Variants in TOX2 observed in about 807,000 individuals in gnomAD.
TOX2 encodes TOX high mobility group box family member 2, also known as granulosa cell HMG box 1.
TOX2 carries 15 observed loss-of-function variants against 47.4 expected under a neutral mutation model. The observed-to-expected ratio is 0.32, with a 90% CI of 0.21 to 0.49. TOX2 has a LOEUF of 0.49. TOX2 is among the 20% of genes least tolerant of loss of function. TOX2 has a pLI of 0.99. For synonymous variants in TOX2, 290 were observed against 296.6 expected (o/e 0.98, Z 0.23); for missense variants, 622 against 673.1 (o/e 0.92, Z 0.84).
chr20:44,029,591 G>A (rs889771405), intron 3 of TOX2, among the ~76,000 whole-genome samples: 1 of 152,186 alleles, frequency 6.6e-6, no homozygotes, highest in African/African-American at 2.4e-5. Context: ...ATGAGAACAT[G>A]GCCTGTGAGT....
intron 5 of TOX2, among the ~76,000 whole-genome samples, 169 bp downstream of exon 5, chr20:44,054,695 C>T (rs2071587054): frequency 6.6e-6 from 1 of 152,212 alleles, no homozygotes; most frequent in South Asian, 2.1e-4. Flanking sequence ...AGCTGCCTTC[C>T]AATTCTACTA....
chr20:43,964,093 GT>G (rs1191830212), intron 1 of TOX2, among the ~76,000 whole-genome samples: 1 of 150,398 alleles, frequency 6.6e-6, no homozygotes, highest in Non-Finnish European at 1.5e-5. Context: ...CAGTAATGTA[GT>G]TTAAAAAAAA....
intron 2 of TOX2, among the ~76,000 whole-genome samples, chr20:43,982,025 G>T (rs926516486): frequency 6.6e-6 from 1 of 152,004 alleles, no homozygotes; most frequent in East Asian, 1.9e-4. Flanking sequence ...GGGTTTAGGA[G>T]GGGGAAAGGC....
intron 4 of TOX2, among the ~76,000 whole-genome samples, chr20:44,051,922 A>G (rs888189601): frequency 1.3e-5 from 2 of 152,198 alleles, no homozygotes; most frequent in Non-Finnish European, 2.9e-5. Context: ...TGCGTAAAGC[A>G]GAGAAAATTC....
At chr20:43,989,322 A>G (rs1479386499) in intron 2 of TOX2, among the ~76,000 whole-genome samples, 1 of 152,182 alleles carries the variant, frequency 6.6e-6, no homozygotes, top group African/African-American at 2.4e-5. Context: ...GAGCAGTTAG[A>G]GAATGGGAGA....
At chr20:43,953,707 A>G (rs1193945056) in intron 1 of TOX2, among the ~76,000 whole-genome samples, 1 of 152,154 alleles carries the variant, frequency 6.6e-6, no homozygotes, top group African/African-American at 2.4e-5. Context: ...GGCTGGAGAA[A>G]TCAGCAGGGA....
At chr20:43,930,381 T>A (rs754693053) in intron 1 of TOX2, among the ~76,000 whole-genome samples, 81 of 152,220 alleles carry the variant, frequency 5.3e-4, no homozygotes, top group Non-Finnish European at 7.5e-4. Flanking sequence ...AATTCTATAA[T>A]TCTCCTTGTA....
intron 1 of TOX2, among the ~76,000 whole-genome samples, chr20:43,922,263 C>T (rs556122774): frequency 8.5e-5 from 13 of 152,172 alleles, no homozygotes; most frequent in Non-Finnish European, 1.9e-4. Context: ...GTGGGAGTTG[C>T]TGCATGCATT....
chr20:44,007,827 T>C (rs1260475421), intron 3 of TOX2, among the ~76,000 whole-genome samples: 1 of 151,954 alleles, frequency 6.6e-6, no homozygotes, highest in Non-Finnish European at 1.5e-5. Context: ...GGAAGAAACA[T>C]CATATTTTTG....
chr20:43,927,647 T>TCCTTCCTC (rs1569003601), intron 1 of TOX2, among the ~76,000 whole-genome samples: 1 of 94,172 alleles, frequency 1.1e-5, no homozygotes, highest in African/African-American at 5.6e-5. Flanking sequence ...TTCCTCCCCT[T>TCCTTCCTC]CCCTTCCCTT....
At chr20:43,923,861 A>G in intron 1 of TOX2, among the ~76,000 whole-genome samples, 1 of 152,164 alleles carries the variant, frequency 6.6e-6, no homozygotes, top group Middle Eastern at 3.2e-3. Flanking sequence ...TGGGCCGGGG[A>G]GAAGCTGGCC....
chr20:43,983,221 A>G (rs755327931), intron 2 of TOX2, among the ~76,000 whole-genome samples: 4 of 152,036 alleles, frequency 2.6e-5, no homozygotes, highest in South Asian at 2.1e-4. Flanking sequence ...CAACATCCTC[A>G]TGCTACAGAA....
rs771110008 is a variant in TOX2, at chr20:44,064,890, T to A, written c.960+33T>A. ...CCGGAATCTCCAGGCACAGCCCTGATCAGAGTGGGGCCACTTGAGGAATGG... is the reference window on the plus strand; with the variant it reads ...CCGGAATCTCCAGGCACAGCCCTGAACAGAGTGGGGCCACTTGAGGAATGG... On this transcript the variant is annotated intron_variant, in intron 6 of 8. Coordinates refer to ENST00000341197, the MANE Select transcript of TOX2 (RefSeq NM_001098797.2). The A allele has an allele frequency of 6.2e-6, 10 of 1,604,862 alleles. No individual in the cohort carries two copies. In the Admixed American group the frequency reaches 1.7e-4, roughly 27 times the overall value.
At chr20:43,951,890 TGTTTG>T (rs1188159672) in intron 1 of TOX2, among the ~76,000 whole-genome samples, 1 of 9,390 alleles carries the variant, frequency 1.1e-4, no homozygotes, top group Admixed American at 1.7e-3. Flanking sequence ...AATAATTTTT[TGTTTG>T]TTTGTTTGTT....
chr20:44,053,437 T>TACAC (rs1447650799), intron 4 of TOX2, among the ~76,000 whole-genome samples: 73 of 67,166 alleles, frequency 1.1e-3, no homozygotes, highest in African/African-American at 3.4e-3. Flanking sequence ...AGGGCAGATA[T>TACAC]ATACACACAC....
intron 4 of TOX2, among the ~76,000 whole-genome samples, chr20:44,053,911 C>T (rs1023796050): frequency 7.9e-5 from 12 of 152,074 alleles, no homozygotes; most frequent in African/African-American, 2.4e-4. Flanking sequence ...TAACTTTGCC[C>T]GGTAGAGATG....
intron 1 of TOX2, among the ~76,000 whole-genome samples, chr20:43,946,859 G>C (rs2069481692): frequency 6.6e-6 from 1 of 152,194 alleles, no homozygotes; most frequent in African/African-American, 2.4e-5. Context: ...GCTGCACCCA[G>C]CAGACCAGGA....
At position 43,963,021 on chromosome 20, in the gene TOX2, CTT is replaced by C. The variant is rs2069788421; in HGVS notation, c.100-10344_100-10343del. ...ATCGTCATCATTCTTGCTCTGAAGT[CTT>C]TGAGATTCAGTGTGGACTTTATACT... is the stretch of plus-strand genomic sequence containing the variant. On this transcript the variant is annotated intron_variant, in intron 1 of 8. Coordinates refer to ENST00000341197, the MANE Select transcript of TOX2 (RefSeq NM_001098797.2). Among the ~76,000 whole-genome samples, 3 of 152,160 alleles carry C rather than the reference CTT, an allele frequency of 2.0e-5. No homozygotes were observed. The South Asian group carries it at 6.2e-4, about 31-fold the overall frequency.
At chr20:44,026,228 GATATATATATATATATATATAGACACAC>G (rs2071061036) in intron 3 of TOX2, among the ~76,000 whole-genome samples, 1 of 60,244 alleles carries the variant, frequency 1.7e-5, no homozygotes, top group Non-Finnish European at 3.1e-5. Flanking sequence ...AAGAAACTGT[GATATATATATATATATATATAGACACAC>G]ACACACACAA....
Sources: allele counts gnomAD v4.1 joint callset (sites outside exome capture counted in the v4.1 genomes callset), GRCh38; gene constraint gnomAD v4.1.1; transcripts MANE v1.5; gene names NCBI Gene and HGNC (gene_info 2026-07-23, HGNC 2026-07-21).